Variants in CYP2A13 observed in about 807,000 individuals in gnomAD.
The protein encoded by CYP2A13 is cytochrome P450 family 2 subfamily A member 13, also known as cytochrome P450 2A13.
CYP2A13 carries 30 observed loss-of-function variants against 39.4 expected under a neutral mutation model. The observed-to-expected ratio is 0.76, with a 90% confidence interval of 0.57 to 1.03. The LOEUF (loss-of-function observed/expected upper bound fraction) is 1.03, where lower values mean the gene tolerates loss of function less well. Among genes scored for constraint, CYP2A13 ranks in the 50% least tolerant of loss-of-function variants. The pLI, the probability that CYP2A13 is intolerant of heterozygous loss-of-function variation, is 0.00. For missense variants in CYP2A13, 731 were observed against 648.4 expected, an observed-to-expected ratio of 1.13 and a Z score of -1.38; for synonymous variants, 269 against 254.7, an observed-to-expected ratio of 1.06 and a Z score of -0.54.
chr19:41,089,462 G>A (rs2031119740), intron 2 of CYP2A13, among the ~76,000 whole-genome samples: 1 of 151,700 alleles, frequency 6.6e-6, no homozygotes, highest in Non-Finnish European at 1.5e-5. Flanking sequence ...TCCTCTCTCT[G>A]CTTCCCTCTC....
Position 41,096,080 on chromosome 19 carries a change from G to A in CYP2A13, c.*139G>A. On this transcript the variant is annotated 3_prime_UTR_variant, in exon 9 of 9. Transcript: ENST00000330436. The stretch of plus-strand genomic sequence containing the variant: ...GGAGAGGTGGTTAGAGGGAACAGAA[G>A]AAACAGAAGGGGCTCAGTTCACCTT... 1 of 1,281,994 alleles carries A rather than the reference G, an allele frequency of 7.8e-7. No homozygotes were observed. The highest frequency in any genetic ancestry group is 1.1e-6 in the Non-Finnish European group (1 of 930,150). The allele number at this position is 1,281,994 out of a possible 1,614,324, so 79.4% of individuals were successfully genotyped here. A position where few individuals can be genotyped will look rare whatever the true frequency, so the allele number is the denominator to read the frequency against.
chr19:41,088,800 A>T, intron 1 of CYP2A13, 129 bp from the exon 2 acceptor site: 1 of 1,541,742 alleles, frequency 6.5e-7, no homozygotes, highest in South Asian at 1.3e-5. Flanking sequence ...GAAAGACAGG[A>T]TCTTGGGATG....
Position 41,095,980 on chromosome 19 carries a change from A to G in CYP2A13, c.*39A>G, listed in dbSNP as rs1367365487. The G allele has an allele frequency of 1.2e-5, 9 of 756,890 alleles. No homozygotes were observed. Among genetic ancestry groups the G allele is most frequent in the Middle Eastern group, 3.0e-4 (1 of 3,340 alleles). The allele number at this position is 756,890 out of a possible 1,614,324, so 46.9% of individuals were successfully genotyped here. On this transcript the variant is annotated 3_prime_UTR_variant, in exon 9 of 9. Transcript: ENST00000330436. ...TGGTGCAGGGCTGGTGGGCGGGGCC[A>G]GGGAAACGGCCGGGGCAGGGGCGGG...
chr19:41,092,000 A>C, intron 5 of CYP2A13, 92 bp downstream of exon 5: 1 of 1,538,714 alleles, frequency 6.5e-7, no homozygotes, highest in South Asian at 1.2e-5. Context: ...AGGCCCATTC[A>C]AATTAGCCCT....
At chr19:41,088,852 A>C (rs2031099175) in intron 1 of CYP2A13, 77 bp from the exon 2 acceptor site, 1 of 1,584,402 alleles carries the variant, frequency 6.3e-7, no homozygotes, top group African/African-American at 1.3e-5. Context: ...GAAGCATCCC[A>C]GTACATGATA....
At position 41,090,048 on chromosome 19, in the gene CYP2A13, C is replaced by A. The variant is rs765943632; in HGVS notation, c.345C>A (p.Gly115=). ...CCACCCCCGCGTTCACCTCCCCAGG[C>A]GTGGCGTTCAGCAACGGGGAGCGCG... ...ATFDWLFKGY[G]VAFSNGERAK... is the part of the protein sequence containing the mutation. The change falls in exon 3 of 9, where the codon GGC becomes GGA. Residue 115 remains glycine, a splice_region_variant and synonymous_variant. Coordinates refer to ENST00000330436, the MANE Select transcript of CYP2A13 (RefSeq NM_000766.5). The A allele has an allele frequency of 5.0e-6, 8 of 1,612,230 alleles. No individual in the cohort carries two copies. Among genetic ancestry groups the A allele is most frequent in the African/African-American group, 1.3e-5 (1 of 74,880 alleles).
In CYP2A13 at chr19:41,095,846, T is replaced by C; in HGVS notation, c.1390T>C (p.Ser464Pro). ...CATCATGCAGAACTTTCGCTTCAAG[T>C]CCCCTCAGTCGCCTAAGGATATCGA... ...TTIMQNFRFK[S>P]PQSPKDIDVS... The change falls in exon 9 of 9, where the codon TCC becomes CCC. Residue 464 changes from serine to proline, a missense_variant. Transcript: ENST00000330436. 1 of 1,614,030 alleles carries C rather than the reference T, an allele frequency of 6.2e-7. No individual in the cohort carries two copies. The highest frequency in any genetic ancestry group is 1.1e-5 in the South Asian group (1 of 91,068).
Position 41,091,787 on chromosome 19 carries a change from C to G in CYP2A13, c.710C>G (p.Ala237Gly), listed in dbSNP as rs1367562167. 6 of 1,614,094 alleles carry G rather than the reference C, an allele frequency of 3.7e-6. No homozygotes were observed. Among genetic ancestry groups the G allele is most frequent in the Non-Finnish European group, 5.1e-6 (6 of 1,179,954 alleles). Residue 237 changes from alanine (A) to glycine (G), a missense_variant, in exon 5 of 9, where the codon GCC becomes GGC. By Grantham distance (60) the Ala-to-Gly change is moderately conservative (BLOSUM62 0). Transcript: ENST00000330436. Reference sequence around the variant, plus strand: ...CACCTGCCAGGACCACAGCAACAGGCCTTTAAGGAGCTGCAAGGGCTGGAG... The same window carrying G: ...CACCTGCCAGGACCACAGCAACAGGGCTTTAAGGAGCTGCAAGGGCTGGAG... ...MKHLPGPQQQ[A>G]FKELQGLEDF...
chr19:41,091,235 C>T (rs998712861), intron 4 of CYP2A13, among the ~76,000 whole-genome samples: 5 of 152,206 alleles, frequency 3.3e-5, no homozygotes, highest in African/African-American at 1.2e-4. Context: ...CAGGTATCCC[C>T]TCCACTTCAA....
intron 4 of CYP2A13, 45 bp from the exon 5 acceptor site, chr19:41,091,687 C>G: frequency 6.2e-7 from 1 of 1,606,458 alleles, no homozygotes; most frequent in Middle Eastern, 1.8e-4. Flanking sequence ...GCTCCTGCCC[C>G]GTGACAGCTG....
intron 2 of CYP2A13, among the ~76,000 whole-genome samples, 174 bp from the exon 3 acceptor site, chr19:41,089,857 TCTCTCTCTCTCTCTCG>T (rs2031138756): frequency 2.7e-5 from 3 of 111,520 alleles, no homozygotes; most frequent in African/African-American, 1.0e-4. Flanking sequence ...TCTCTCTCTC[TCTCTCTCTCTCTCTCG>T]TGCTCTCGTG....
At chr19:41,090,284 C>T in intron 3 of CYP2A13, 88 bp downstream of exon 3, 12 of 1,565,122 alleles carry the variant, frequency 7.7e-6, no homozygotes, top group East Asian at 2.2e-5. Context: ...CCCGCACTTC[C>T]AGCCCTGGAG....
At chr19:41,089,113 G>A (rs768516990) in intron 2 of CYP2A13, 22 bp downstream of exon 2, 15 of 1,611,424 alleles carry the variant, frequency 9.3e-6, no homozygotes, top group East Asian at 2.2e-5. Context: ...CCCAAGAGGG[G>A]GAAGGTGGCC....
In CYP2A13 at chr19:41,095,668, T is replaced by A. The variant is rs554634916; in HGVS notation, c.1304-92T>A. ...CTCTCAGGCCATAATATTCCACCCC[T>A]CCTCCCTAGAGAGTGCAGCCGGGGG... On this transcript the variant is annotated intron_variant, in intron 8 of 8. Transcript: ENST00000330436. 5.9e-5 allele frequency: 89 copies of A among 1,503,250 alleles called. 1 individual carries two copies. In the South Asian group the frequency reaches 1.1e-3, roughly 19 times the overall value. The allele number at this position is 1,503,250 out of a possible 1,614,324, so 93.1% of individuals were successfully genotyped here.
intron 5 of CYP2A13, among the ~76,000 whole-genome samples, chr19:41,092,199 C>T (rs969697589): frequency 1.3e-5 from 2 of 151,436 alleles, no homozygotes; most frequent in Admixed American, 1.3e-4. Context: ...GCCTGTAATC[C>T]CAGCTACTCA....
intron 7 of CYP2A13, among the ~76,000 whole-genome samples, chr19:41,094,647 A>G (rs901318467): frequency 2.0e-5 from 3 of 151,818 alleles, no homozygotes; most frequent in African/African-American, 7.3e-5. Context: ...AGGAGAATAC[A>G]CCCCATGTTC....
At chr19:41,093,566 A>G in intron 5 of CYP2A13, 64 bp from the exon 6 acceptor site, 1 of 1,596,846 alleles carries the variant, frequency 6.3e-7, no homozygotes, top group South Asian at 1.1e-5. Flanking sequence ...TCCAAAGGAA[A>G]AGCCCTAGAA....
chr19:41,095,161 A>C, intron 8 of CYP2A13, 61 bp downstream of exon 8: 1 of 1,612,580 alleles, frequency 6.2e-7, no homozygotes, highest in Non-Finnish European at 8.5e-7. Context: ...TCTCTCACCC[A>C]CCTCCCCTCT....
chr19:41,090,273 G>T, intron 3 of CYP2A13, 77 bp downstream of exon 3: 1 of 1,558,876 alleles, frequency 6.4e-7, no homozygotes, highest in Non-Finnish European at 8.7e-7. Context: ...GGGGAAAGGG[G>T]CCCGCACTTC....
Sources: gnomAD v4.1 joint callset for allele counts (sites outside exome capture counted in the v4.1 genomes callset) on GRCh38, gnomAD v4.1.1 for gene constraint, MANE v1.5 for transcripts, NCBI Gene and HGNC (gene_info 2026-07-23, HGNC 2026-07-21) for gene names.